Variants in BRINP2 observed in about 807,000 individuals in gnomAD.
The protein encoded by BRINP2 is BMP/retinoic acid inducible neural specific 2, also known as BMP/retinoic acid-inducible neural-specific protein 2.
Under a neutral mutation model 69.2 loss-of-function variants are expected in BRINP2, and 21 were observed. The observed-to-expected ratio is 0.30, with a 90% CI of 0.22 to 0.44. The LOEUF is 0.44. Among genes scored for constraint, BRINP2 ranks in the 20% least tolerant of loss-of-function variants. BRINP2 has a pLI of 1.00. For missense variants in BRINP2, 877 were observed against 986.0 expected (o/e 0.89, Z 1.48); for synonymous variants, 380 against 394.1 (o/e 0.96, Z 0.42).
chr1:177,266,121 AAATAAT>A (rs55687261), intron 4 of BRINP2, among the ~76,000 whole-genome samples: 9 of 148,028 alleles, frequency 6.1e-5, no homozygotes, highest in Admixed American at 3.4e-4. Context: ...CTCCATCTCA[AAATAAT>A]AATAATAATA....
intron 2 of BRINP2, among the ~76,000 whole-genome samples, chr1:177,242,569 A>T (rs1285766331): frequency 6.6e-6 from 1 of 152,152 alleles, no homozygotes. Context: ...TCATCGCCAT[A>T]TGAAGTCTTC....
intron 1 of BRINP2, among the ~76,000 whole-genome samples, chr1:177,224,252 G>T (rs529509338): frequency 1.3e-5 from 2 of 152,232 alleles, no homozygotes; most frequent in South Asian, 4.2e-4. Context: ...AACAGAGTTG[G>T]CCAATTAACC....
chr1:177,230,107 G>C lies in BRINP2; in HGVS notation c.231G>C (p.Arg77=), dbSNP rs150664972. 6.2e-7 allele frequency: 1 copy of C among 1,612,764 alleles called. No homozygotes were observed. The highest frequency in any genetic ancestry group is 1.7e-5 in the Admixed American group (1 of 59,928). Reference sequence around the variant, plus strand: ...AGGAGTATGCTGACTTCATGGAGCGGTACCGCCAGGGTTTCACCACCAGGT... The same window carrying C: ...AGGAGTATGCTGACTTCATGGAGCGCTACCGCCAGGGTTTCACCACCAGGT... ...RAQEYADFME[R]YRQGFTTRYR... Residue 77 remains arginine (R), a synonymous_variant, in exon 2 of 8, where the codon CGG becomes CGC. Transcript: ENST00000361539.
intron 1 of BRINP2, among the ~76,000 whole-genome samples, chr1:177,204,214 T>C (rs78641567): frequency 3.9e-4 from 59 of 152,202 alleles, no homozygotes; most frequent in African/African-American, 1.4e-3. Context: ...TTGGGTATAT[T>C]GAATTTGAGG....
chr1:177,219,775 C>T (rs1484890750), intron 1 of BRINP2, among the ~76,000 whole-genome samples: 1 of 152,214 alleles, frequency 6.6e-6, no homozygotes, highest in Non-Finnish European at 1.5e-5. Flanking sequence ...TTATCAGCCC[C>T]ACCTCAATTT....
chr1:177,220,353 A>G (rs908883250), intron 1 of BRINP2, among the ~76,000 whole-genome samples: 6 of 152,062 alleles, frequency 3.9e-5, no homozygotes, highest in Non-Finnish European at 8.8e-5. Flanking sequence ...TCCCTCATGA[A>G]TGGCTTGGGT....
intron 1 of BRINP2, among the ~76,000 whole-genome samples, chr1:177,184,338 A>G (rs1186060625): frequency 6.6e-6 from 1 of 151,826 alleles, no homozygotes; most frequent in Non-Finnish European, 1.5e-5. Context: ...CCTTTGTTTC[A>G]TCTAACTTTT....
chr1:177,200,766 T>A (rs529133570), intron 1 of BRINP2, among the ~76,000 whole-genome samples: 1 of 152,322 alleles, frequency 6.6e-6, no homozygotes, highest in East Asian at 1.9e-4. Context: ...ATTTGTATGT[T>A]TACTGTGTAT....
At chr1:177,213,426 C>T (rs1478047004) in intron 1 of BRINP2, among the ~76,000 whole-genome samples, 1 of 152,026 alleles carries the variant, frequency 6.6e-6, no homozygotes, top group Non-Finnish European at 1.5e-5. Context: ...CTTCTCCTTC[C>T]CTAATTGAGA....
chr1:177,178,381 T>C (rs1164452347), intron 1 of BRINP2, among the ~76,000 whole-genome samples: 2 of 152,192 alleles, frequency 1.3e-5, no homozygotes, highest in Non-Finnish European at 2.9e-5. Flanking sequence ...ATAACCTCTC[T>C]GTGCATCTTT....
chr1:177,194,047 A>T (rs546316261), intron 1 of BRINP2, among the ~76,000 whole-genome samples: 1 of 152,302 alleles, frequency 6.6e-6, no homozygotes, highest in East Asian at 1.9e-4. Context: ...TTGCAATGGA[A>T]ATGTTGGTAT....
At chr1:177,252,743 C>A (rs1322373609) in intron 2 of BRINP2, among the ~76,000 whole-genome samples, 2 of 152,112 alleles carry the variant, frequency 1.3e-5, no homozygotes, top group Non-Finnish European at 2.9e-5. Flanking sequence ...CCCTTCCTAG[C>A]CTCTGGTAAC....
At chr1:177,255,759 A>G (rs1656302480) in intron 2 of BRINP2, among the ~76,000 whole-genome samples, 160 bp from the exon 3 acceptor site, 1 of 152,356 alleles carries the variant, frequency 6.6e-6, no homozygotes. Context: ...TGAGAGGCCA[A>G]GGGGCCTCTT....
chr1:177,260,665 C>A (rs1468291756), intron 4 of BRINP2, among the ~76,000 whole-genome samples: 1 of 152,142 alleles, frequency 6.6e-6, no homozygotes, highest in Non-Finnish European at 1.5e-5. Context: ...GCAGGACACT[C>A]CACCAGCAAA....
intron 1 of BRINP2, among the ~76,000 whole-genome samples, chr1:177,194,991 C>A (rs964189167): frequency 2.0e-5 from 3 of 152,140 alleles, no homozygotes. Flanking sequence ...CACCAAATAC[C>A]TCTCGATCAT....
chr1:177,183,784 A>ATGAT (rs1452649875), intron 1 of BRINP2, among the ~76,000 whole-genome samples: 1 of 152,164 alleles, frequency 6.6e-6, no homozygotes, highest in Non-Finnish European at 1.5e-5. Context: ...GGAGACATGA[A>ATGAT]TGATTTTTGA....
At chr1:177,191,648 A>T (rs1036337194) in intron 1 of BRINP2, among the ~76,000 whole-genome samples, 34 of 151,910 alleles carry the variant, frequency 2.2e-4, no homozygotes, top group African/African-American at 8.2e-4. Context: ...TAGAGATGGG[A>T]TTTCATCTTG....
At chr1:177,242,134 C>A (rs913306046) in intron 2 of BRINP2, among the ~76,000 whole-genome samples, 1 of 152,164 alleles carries the variant, frequency 6.6e-6, no homozygotes, top group South Asian at 2.1e-4. Context: ...ATTCTCTCCC[C>A]ATCTGAGTTT....
In BRINP2 at chr1:177,280,897, T is replaced by C. The variant is rs1261331953; in HGVS notation, c.1721T>C (p.Ile574Thr). Residue 574 changes from isoleucine to threonine, a missense_variant, in exon 8 of 8, where the codon ATC becomes ACC. Ile to Thr is a moderately conservative substitution (Grantham distance 89). Transcript: ENST00000361539. Reference protein sequence around the residue: ...VHVMLALSLQICLTKNSTLEP... With the variant: ...VHVMLALSLQTCLTKNSTLEP... Reference sequence around the variant, plus strand: ...GTGATGTTGGCCTTGTCCTTGCAGATCTGTCTCACCAAGAACAGCACCCTG... The same window carrying C: ...GTGATGTTGGCCTTGTCCTTGCAGACCTGTCTCACCAAGAACAGCACCCTG... The C allele has an allele frequency of 6.2e-7, 1 of 1,614,192 alleles. No individual in the cohort carries two copies. Among genetic ancestry groups the C allele is most frequent in the Non-Finnish European group, 8.5e-7 (1 of 1,180,028 alleles).
Sources: gnomAD v4.1 joint callset for allele counts (sites outside exome capture counted in the v4.1 genomes callset) on GRCh38, gnomAD v4.1.1 for gene constraint, MANE v1.5 for transcripts, NCBI Gene and HGNC (gene_info 2026-07-23, HGNC 2026-07-21) for gene names.